The following AGBL4 variants were observed in gnomAD, a reference collection of about 807,000 sequenced individuals.
AGBL4 encodes AGBL carboxypeptidase 4.
A neutral mutation model predicts 66.4 loss-of-function variants in AGBL4; 58 were observed. The ratio of observed to expected loss-of-function variants is 0.87; its 90% CI spans 0.71 to 1.09. The LOEUF (loss-of-function observed/expected upper bound fraction) is 1.09, where lower values mean the gene tolerates loss of function less well. AGBL4 is among the 50% of genes least tolerant of loss of function. AGBL4 has a pLI of 0.00. For synonymous variants in AGBL4, 234 were observed against 222.9 expected, an observed-to-expected ratio of 1.05 and a Z score of -0.44; for missense variants, 579 against 631.0, an observed-to-expected ratio of 0.92 and a Z score of 0.88.
chr1:49,089,125 C>T (rs1193163679), intron 4 of AGBL4, among the ~76,000 whole-genome samples: 3 of 151,494 alleles, frequency 2.0e-5, no homozygotes, highest in Non-Finnish European at 2.9e-5. Context: ...AAGTTTATAG[C>T]ACCAAATGCC....
chr1:49,902,672 G>A (rs1163946923), intron 1 of AGBL4, among the ~76,000 whole-genome samples: 8 of 152,092 alleles, frequency 5.3e-5, no homozygotes, highest in Admixed American at 3.3e-4. Context: ...TCTTGAGCCC[G>A]GGAGATGGAG....
rs1046026937 is a variant in AGBL4, at chr1:49,529,421, A to G, written c.282+167892T>C. 4.6e-4 allele frequency among the ~76,000 whole-genome samples: 70 copies of G among 152,230 alleles called. 1 individual carries two copies. The highest frequency in any genetic ancestry group is 1.2e-3 in the African/African-American group (49 of 41,578). ...CTGGCCAGGCATGGTGGCTTATGCC[A>G]GTAATCCCAGCACTTTGGGAGGCCG... On this transcript the variant is annotated intron_variant, in intron 3 of 13. Coordinates refer to ENST00000371839, the MANE Select transcript of AGBL4 (RefSeq NM_032785.4).
chr1:49,753,974 AT>A lies in AGBL4; in HGVS notation c.158-56538del, dbSNP rs555609858. On this transcript the variant is annotated intron_variant, in intron 2 of 13. Coordinates refer to ENST00000371839, the MANE Select transcript of AGBL4 (RefSeq NM_032785.4). The stretch of plus-strand genomic sequence containing the variant: ...TATTCTAGTTAGCAGTTCCTGTAAC[AT>A]TTTATCAAGATTCTTAGCTTCCTTG... Among the ~76,000 whole-genome samples the A allele has an allele frequency of 7.2e-5, 11 of 152,218 alleles. No individual in the cohort carries two copies. In the South Asian group the frequency reaches 2.3e-3, roughly 32 times the overall value.
intron 1 of AGBL4, chr1:49,995,049 C>T (rs1455660547): frequency 4.5e-6 from 2 of 445,406 alleles, no homozygotes; most frequent in Non-Finnish European, 9.0e-6. Context: ...GGGAGAGATG[C>T]CACTAGAATT....
intron 1 of AGBL4, among the ~76,000 whole-genome samples, chr1:49,906,626 T>G (rs1254414019): frequency 3.3e-5 from 5 of 151,848 alleles, no homozygotes; most frequent in Non-Finnish European, 7.4e-5. Context: ...TAAAAAAAAT[T>G]TGTCAAGATA....
At chr1:48,905,374 A>G (rs1327213709) in intron 5 of AGBL4, among the ~76,000 whole-genome samples, 1 of 152,226 alleles carries the variant, frequency 6.6e-6, no homozygotes, top group Non-Finnish European at 1.5e-5. Context: ...ATGTACTGCA[A>G]TGTCTTCAAA....
chr1:49,704,919 T>C (rs1326135159), intron 2 of AGBL4, among the ~76,000 whole-genome samples: 3 of 152,234 alleles, frequency 2.0e-5, no homozygotes, highest in African/African-American at 7.2e-5. Flanking sequence ...AGGATCTTTC[T>C]TGGTTCCATA....
chr1:49,642,685 A>G (rs532697652), intron 3 of AGBL4, among the ~76,000 whole-genome samples: 1 of 152,170 alleles, frequency 6.6e-6, no homozygotes, highest in South Asian at 2.1e-4. Context: ...AGAAAAGCTC[A>G]TAATTCACAG....
chr1:48,594,954 G>C (rs1001198572), intron 9 of AGBL4, among the ~76,000 whole-genome samples: 3 of 152,030 alleles, frequency 2.0e-5, no homozygotes, highest in Non-Finnish European at 4.4e-5. Context: ...CTATATCCTC[G>C]ACTCAACACT....
At chr1:49,294,224 AG>A (rs1644598424) in intron 3 of AGBL4, among the ~76,000 whole-genome samples, 1 of 152,216 alleles carries the variant, frequency 6.6e-6, no homozygotes, top group Non-Finnish European at 1.5e-5. Context: ...CCAATGTTAT[AG>A]GGAGACTACA....
chr1:49,522,360 A>G (rs1213423165), intron 3 of AGBL4, among the ~76,000 whole-genome samples: 2 of 152,068 alleles, frequency 1.3e-5, no homozygotes, highest in Non-Finnish European at 2.9e-5. Context: ...AACCTTAATA[A>G]TCACTTCTTC....
At position 49,516,075 on chromosome 1, in the gene AGBL4, CA is replaced by C. The variant is rs34349640; in HGVS notation, c.282+181237del. On this transcript the variant is annotated intron_variant, in intron 3 of 13. Coordinates refer to ENST00000371839, the MANE Select transcript of AGBL4 (RefSeq NM_032785.4). ...AAAGAATCAAGACTGCCCCCCCCCA[CA>C]AAAAAAAATGACTGGCCCAATGGAG... Among the ~76,000 whole-genome samples, 851 of 147,670 alleles carry C rather than the reference CA, an allele frequency of 5.8e-3. 6 individuals are homozygous for C. Among genetic ancestry groups the C allele is most frequent in the Middle Eastern group, 0.046 (13 of 282 alleles).
intron 11 of AGBL4, among the ~76,000 whole-genome samples, chr1:48,554,567 C>T (rs1644293915): frequency 6.6e-6 from 1 of 152,126 alleles, no homozygotes; most frequent in Admixed American, 6.5e-5. Context: ...AAACTTAAAT[C>T]CCAATCTTTA....
rs544562671 is a variant in AGBL4 at position 48,546,710 on chromosome 1, C to T, written c.1268-6972G>A. ...TTGTATCTGTAAATATGAATTTACT[C>T]AGTGTATATTTAATATCATCTACTA... On this transcript the variant is annotated intron_variant, in intron 11 of 13. Coordinates refer to ENST00000371839, the MANE Select transcript of AGBL4 (RefSeq NM_032785.4). Among the ~76,000 whole-genome samples, 65 of 152,182 alleles carry T rather than the reference C, an allele frequency of 4.3e-4. No individual in the cohort carries two copies. In the South Asian group the frequency reaches 0.013, roughly 31 times the overall value.
intron 4 of AGBL4, among the ~76,000 whole-genome samples, chr1:49,190,595 T>A (rs1257971517): frequency 2.6e-5 from 4 of 152,166 alleles, no homozygotes; most frequent in African/African-American, 7.2e-5. Context: ...TTCACCATGG[T>A]GGGTAATTAA....
intron 3 of AGBL4, among the ~76,000 whole-genome samples, chr1:49,537,752 G>A (rs558710690): frequency 3.9e-5 from 6 of 152,164 alleles, no homozygotes; most frequent in South Asian, 2.1e-4. Flanking sequence ...GTGAAACCCC[G>A]TCTCTTCTAA....
intron 5 of AGBL4, among the ~76,000 whole-genome samples, chr1:48,950,545 G>A (rs933386611): frequency 6.6e-6 from 1 of 152,302 alleles, no homozygotes; most frequent in African/African-American, 2.4e-5. Flanking sequence ...TATCCTCAGA[G>A]CTCTACAGAG....
chr1:48,725,543 GT>G (rs1418874951), intron 6 of AGBL4, among the ~76,000 whole-genome samples: 7 of 152,108 alleles, frequency 4.6e-5, no homozygotes, highest in Non-Finnish European at 1.0e-4. Flanking sequence ...CTTAGGTTGG[GT>G]TTCCCCTAAA....
intron 5 of AGBL4, among the ~76,000 whole-genome samples, chr1:48,987,984 C>T (rs1350070206): frequency 6.6e-6 from 1 of 152,090 alleles, no homozygotes; most frequent in South Asian, 2.1e-4. Flanking sequence ...CCTGCTTCCC[C>T]TTCCCCACCA....
Sources: allele counts gnomAD v4.1 joint callset (sites outside exome capture counted in the v4.1 genomes callset), GRCh38; gene constraint gnomAD v4.1.1; transcripts MANE v1.5; gene names NCBI Gene and HGNC (gene_info 2026-07-23, HGNC 2026-07-21).